Variants in ZNG1F observed in about 807,000 individuals in gnomAD.
ZNG1F encodes zinc-regulated GTPase metalloprotein activator 1F.
At chr9:41,185,343 T>C in the ZNG1F span, among the ~76,000 whole-genome samples, 2 of 141,148 alleles carry the variant, frequency 1.4e-5, no homozygotes, top group Non-Finnish European at 3.1e-5. Flanking sequence ...TGAGTTGCAA[T>C]AGAGTCCATA....
chr9:41,169,254 C>A, the ZNG1F span, among the ~76,000 whole-genome samples: 3 of 151,180 alleles, frequency 2.0e-5, no homozygotes, highest in Non-Finnish European at 4.4e-5. Context: ...AAATCAATGT[C>A]TTCTATTCAA....
chr9:41,152,319 G>A, the ZNG1F span, among the ~76,000 whole-genome samples: 4 of 148,684 alleles, frequency 2.7e-5, no homozygotes, highest in African/African-American at 2.5e-5. Context: ...AAATATACAT[G>A]CACCCAATAC....
the ZNG1F span, chr9:41,157,996 A>AC: frequency 7.6e-5 from 8 of 104,946 alleles, no homozygotes; most frequent in South Asian, 3.7e-4. Flanking sequence ...TTCCTTTTTC[A>AC]CCCCCCACCC....
At chr9:41,140,309 T>A in the ZNG1F span, among the ~76,000 whole-genome samples, 61 of 72,164 alleles carry the variant, frequency 8.5e-4, no homozygotes, top group African/African-American at 2.8e-3. Context: ...TATGTTACTG[T>A]ACTGAACAGT....
At chr9:41,184,677 TTAA>T in the ZNG1F span, among the ~76,000 whole-genome samples, 1 of 126,600 alleles carries the variant, frequency 7.9e-6, no homozygotes, top group South Asian at 2.7e-4. Context: ...CAGCTAGGTA[TTAA>T]TAAAGAGCTT....
At chr9:41,150,243 C>T in the ZNG1F span, among the ~76,000 whole-genome samples, 1 of 148,128 alleles carries the variant, frequency 6.8e-6, no homozygotes, top group Admixed American at 6.9e-5. Context: ...TCACTCCCAC[C>T]CGAATACTGC....
the ZNG1F span, among the ~76,000 whole-genome samples, chr9:41,181,235 A>G: frequency 4.0e-4 from 57 of 144,034 alleles, no homozygotes; most frequent in Admixed American, 7.9e-4. Flanking sequence ...TCTCAAAAGT[A>G]TCAAGTTTTT....
At chr9:41,148,693 CT>C in the ZNG1F span, among the ~76,000 whole-genome samples, 1 of 141,284 alleles carries the variant, frequency 7.1e-6, no homozygotes, top group African/African-American at 2.6e-5. Flanking sequence ...CAATCAATTT[CT>C]TTTTTCTTTC....
the ZNG1F span, chr9:41,146,009 G>A: frequency 7.5e-6 from 1 of 133,896 alleles, no homozygotes; most frequent in Non-Finnish European, 1.6e-5. Context: ...TGAAAACCTT[G>A]CAGATGCTTT....
chr9:41,197,228 A>AT, the ZNG1F span, among the ~76,000 whole-genome samples: 8,510 of 16,778 alleles, frequency 0.51, 3,700 homozygotes, highest in East Asian at 0.9. Context: ...ATCATTCATC[A>AT]TTTTTTTTTT....
At chr9:41,174,488 A>AG in the ZNG1F span, 1 of 1,073,762 alleles carries the variant, frequency 9.3e-7, no homozygotes, top group African/African-American at 1.6e-5. Flanking sequence ...TAGTGATAGA[A>AG]GCTTTAACTA....
the ZNG1F span, among the ~76,000 whole-genome samples, chr9:41,155,919 C>T: frequency 1.5e-5 from 2 of 137,642 alleles, no homozygotes; most frequent in Admixed American, 7.7e-5. Flanking sequence ...ACCAGCATGG[C>T]ACATGTATAC....
the ZNG1F span, among the ~76,000 whole-genome samples, chr9:41,136,556 T>G: frequency 5.6e-5 from 1 of 17,828 alleles, no homozygotes; most frequent in East Asian, 1.4e-3. Context: ...TTCTCTCTCT[T>G]GTGGAATAGT....
chr9:41,149,791 A>AC, the ZNG1F span, among the ~76,000 whole-genome samples: 1 of 151,124 alleles, frequency 6.6e-6, no homozygotes, highest in Non-Finnish European at 1.5e-5. Flanking sequence ...TGTATTGTAC[A>AC]CTTAAAAAAT....
the ZNG1F span, among the ~76,000 whole-genome samples, chr9:41,178,965 C>A: frequency 6.4e-4 from 78 of 121,078 alleles, 6 homozygotes; most frequent in Middle Eastern, 4.8e-3. Context: ...TTCAAAGATT[C>A]AAAGGACAGG....
the ZNG1F span, among the ~76,000 whole-genome samples, chr9:41,154,441 A>G: frequency 1.4e-5 from 2 of 143,098 alleles, no homozygotes; most frequent in African/African-American, 5.3e-5. Flanking sequence ...AAGGTAATTT[A>G]CAGATTCAAT....
the ZNG1F span, among the ~76,000 whole-genome samples, chr9:41,149,728 G>A: frequency 6.6e-6 from 1 of 151,214 alleles, no homozygotes; most frequent in African/African-American, 2.4e-5. Context: ...GTTCTAAAGA[G>A]TGAAACGTTC....
chr9:41,193,495 G>A, the ZNG1F span, among the ~76,000 whole-genome samples: 3 of 149,784 alleles, frequency 2.0e-5, no homozygotes, highest in Non-Finnish European at 3.0e-5. Flanking sequence ...CAAAATAGAC[G>A]AGTTTTTTTT....
At chr9:41,166,536 G>A in the ZNG1F span, among the ~76,000 whole-genome samples, 36 of 131,984 alleles carry the variant, frequency 2.7e-4, no homozygotes, top group African/African-American at 4.4e-4. Context: ...AATATTTCCC[G>A]AGTTCCTCAA....
Sources: allele counts gnomAD v4.1 joint callset (sites outside exome capture counted in the v4.1 genomes callset), GRCh38; gene constraint gnomAD v4.1.1; transcripts MANE v1.5; gene names NCBI Gene and HGNC (gene_info 2026-07-23, HGNC 2026-07-21).